ATG101: variants seen among roughly 807,000 people sequenced by gnomAD.
The protein encoded by ATG101 is autophagy-related protein 101.
A neutral mutation model predicts 16.7 loss-of-function variants in ATG101; 6 were observed. The observed-to-expected ratio is 0.36, with a 90% CI of 0.20 to 0.71. The LOEUF (loss-of-function observed/expected upper bound fraction) is 0.71, where lower values mean the gene tolerates loss of function less well. ATG101 is among the 30% of genes least tolerant of loss of function. The pLI is 0.57. For missense variants in ATG101, 200 were observed against 292.5 expected, an observed-to-expected ratio of 0.68 and a Z score of 2.31; for synonymous variants, 108 against 118.1, an observed-to-expected ratio of 0.91 and a Z score of 0.56.
chr12:52,076,989 C>T lies in ATG101; in HGVS notation c.456C>T (p.Ile152=). The change falls in exon 4 of 4, where the codon ATC becomes ATT. Residue 152 remains isoleucine (I), a synonymous_variant. Coordinates refer to ENST00000336854, the MANE Select transcript of ATG101 (RefSeq NM_021934.5). ...EKVGEKLCEK[I]INIVEVMNRH... ...TGGGTGAGAAACTCTGCGAGAAGAT[C>T]ATCAACATCGTGGAGGTGATGAATC... The T allele has an allele frequency of 1.9e-6, 3 of 1,614,222 alleles. No individual in the cohort carries two copies. The South Asian group carries it at 3.3e-5, about 18-fold the overall frequency.
At chr12:52,071,940 A>G (rs1417945911) in intron 2 of ATG101, among the ~76,000 whole-genome samples, 1 of 152,184 alleles carries the variant, frequency 6.6e-6, no homozygotes, top group Non-Finnish European at 1.5e-5. Context: ...AAGGAACTTG[A>G]AGCTCCCTCT....
chr12:52,068,174 G>A (rs1182364002), upstream of ATG101, among the ~76,000 whole-genome samples: 1 of 149,112 alleles, frequency 6.7e-6, no homozygotes, highest in East Asian at 2.0e-4. Flanking sequence ...AGCCTCCCAA[G>A]TAGCTGGGAT....
rs1446875030 is a variant in ATG101 at position 52,077,028 on chromosome 12, G to A, written c.495G>A (p.Leu165=). The A allele has an allele frequency of 1.9e-6, 3 of 1,614,160 alleles. No individual in the cohort carries two copies. The highest frequency in any genetic ancestry group is 1.7e-6 in the Non-Finnish European group (2 of 1,180,028). Residue 165 remains leucine (L), a synonymous_variant, in exon 4 of 4, where the codon TTG becomes TTA. Coordinates refer to ENST00000336854, the MANE Select transcript of ATG101 (RefSeq NM_021934.5). The part of the protein sequence containing the change: ...IVEVMNRHEY[L]PKMPTQSEVD... ...AGGTGATGAATCGGCATGAGTACTTGCCCAAGATGCCCACACAGTCGGAGG... is the reference window on the plus strand; with the variant it reads ...AGGTGATGAATCGGCATGAGTACTTACCCAAGATGCCCACACAGTCGGAGG...
chr12:52,067,551 C>G (rs1167138193), upstream of ATG101, among the ~76,000 whole-genome samples: 1 of 152,010 alleles, frequency 6.6e-6, no homozygotes, highest in Non-Finnish European at 1.5e-5. Context: ...ACTGAATGAC[C>G]TTGGGCCACT....
chr12:52,070,866 A>C (rs1279230935), intron 2 of ATG101: 1 of 152,228 alleles, frequency 6.6e-6, no homozygotes, highest in Non-Finnish European at 1.5e-5. Context: ...TGGGAAGAAA[A>C]CTGCTGGATG....
upstream of ATG101, among the ~76,000 whole-genome samples, chr12:52,067,889 C>T (rs1464797256): frequency 6.6e-6 from 1 of 151,940 alleles, no homozygotes; most frequent in Non-Finnish European, 1.5e-5. Context: ...AGCCACCATG[C>T]CCGGCCCAAT....
chr12:52,076,181 T>C (rs1276101107), intron 3 of ATG101, among the ~76,000 whole-genome samples: 3 of 152,024 alleles, frequency 2.0e-5, no homozygotes, highest in African/African-American at 7.3e-5. Context: ...AAAAGAATTA[T>C]GTTTAATTGG....
At chr12:52,072,371 TAAG>T (rs1437623017) in intron 2 of ATG101, among the ~76,000 whole-genome samples, 1 of 152,204 alleles carries the variant, frequency 6.6e-6, no homozygotes, top group African/African-American at 2.4e-5. Context: ...CATTTACAGA[TAAG>T]AAGTTCAGAG....
At position 52,073,723 on chromosome 12, in the gene ATG101, C is replaced by T. The variant is rs770945786; in HGVS notation, c.73C>T (p.Leu25=). ...GGTGGAGGAGGCCATGCTGGCTGTG[C>T]TGCACACGGTGCTTCTGCACCGCAG... ...RQVEEAMLAV[L]HTVLLHRSTG... The change falls in exon 3 of 4, where the codon CTG becomes TTG. Residue 25 remains leucine (L), a synonymous_variant. Coordinates refer to ENST00000336854, the MANE Select transcript of ATG101 (RefSeq NM_021934.5). 7 of 1,614,162 alleles carry T rather than the reference C, an allele frequency of 4.3e-6. No homozygotes were observed. The highest frequency in any genetic ancestry group is 5.1e-6 in the Non-Finnish European group (6 of 1,180,020).
intron 2 of ATG101, among the ~76,000 whole-genome samples, chr12:52,072,314 A>G (rs1327753772): frequency 2.0e-5 from 3 of 152,340 alleles, no homozygotes; most frequent in South Asian, 4.1e-4. Context: ...TTCAACCACT[A>G]TTCTACTGTA....
At chr12:52,074,527 CT>C (rs111830977) in intron 3 of ATG101, among the ~76,000 whole-genome samples, 7,247 of 146,388 alleles carry the variant, frequency 0.05, 508 homozygotes, top group African/African-American at 0.16. Context: ...TTCTTTCTTC[CT>C]TTTTTTTTTT....
intron 2 of ATG101, chr12:52,071,047 G>C (rs1939642485): frequency 6.6e-6 from 1 of 152,204 alleles, no homozygotes; most frequent in Non-Finnish European, 1.5e-5. Context: ...GTGATGAATG[G>C]AATATAGTCT....
At chr12:52,075,834 G>C (rs1464386431) in intron 3 of ATG101, among the ~76,000 whole-genome samples, 1 of 152,134 alleles carries the variant, frequency 6.6e-6, no homozygotes, top group Non-Finnish European at 1.5e-5. Context: ...AAGGACCACT[G>C]GGCTCTACAG....
intron 2 of ATG101, among the ~76,000 whole-genome samples, chr12:52,072,914 A>T (rs1414663913): frequency 6.6e-6 from 1 of 152,104 alleles, no homozygotes; most frequent in Admixed American, 6.5e-5. Flanking sequence ...CTGGGACTAC[A>T]GGCGCCTGCC....
At chr12:52,072,190 C>T (rs1429790811) in intron 2 of ATG101, among the ~76,000 whole-genome samples, 1 of 152,228 alleles carries the variant, frequency 6.6e-6, no homozygotes, top group Non-Finnish European at 1.5e-5. Context: ...CCATTATTAT[C>T]TCTTTTGTAT....
At chr12:52,066,435 C>T (rs376372682), upstream of ATG101, among the ~76,000 whole-genome samples, 19 of 152,184 alleles carry the variant, frequency 1.2e-4, no homozygotes, top group African/African-American at 4.1e-4. Flanking sequence ...GAAGGGAAAT[C>T]GGCTTCACTG....
upstream of ATG101, among the ~76,000 whole-genome samples, chr12:52,065,829 G>A (rs1210502374): frequency 1.3e-5 from 2 of 152,188 alleles, no homozygotes; most frequent in Non-Finnish European, 2.9e-5. Flanking sequence ...ACATAATGTA[G>A]AGAGAGAGTT....
At chr12:52,075,558 C>T (rs557149207) in intron 3 of ATG101, among the ~76,000 whole-genome samples, 2 of 152,332 alleles carry the variant, frequency 1.3e-5, no homozygotes, top group South Asian at 4.1e-4. Context: ...TGAAGGAAAG[C>T]CTCTTCCCTG....
upstream of ATG101, among the ~76,000 whole-genome samples, chr12:52,065,973 G>C (rs1335799798): frequency 6.6e-6 from 1 of 152,190 alleles, no homozygotes; most frequent in Non-Finnish European, 1.5e-5. Context: ...CGCCTCCCGG[G>C]TTCAAGTAAT....
Sources: gnomAD v4.1 joint callset for allele counts (sites outside exome capture counted in the v4.1 genomes callset) on GRCh38, gnomAD v4.1.1 for gene constraint, MANE v1.5 for transcripts, NCBI Gene and HGNC (gene_info 2026-07-23, HGNC 2026-07-21) for gene names.